The following PRKG2 variants were observed in gnomAD, a reference collection of about 807,000 sequenced individuals.
PRKG2 encodes the protein cGMP-dependent protein kinase 2.
Under a neutral mutation model 97.2 loss-of-function variants are expected in PRKG2, and 33 were observed. The observed-to-expected ratio is 0.34, with a 90% CI of 0.26 to 0.45. The LOEUF is 0.45. Ranked by LOEUF, PRKG2 falls within the 20% of genes least tolerant of loss-of-function variation. The pLI, the probability that PRKG2 is intolerant of heterozygous loss-of-function variation, is 1.00. For missense variants in PRKG2, 638 were observed against 900.0 expected, an observed-to-expected ratio of 0.71 and a Z score of 3.73; for synonymous variants, 330 against 321.8, an observed-to-expected ratio of 1.03 and a Z score of -0.27.
Position 81,089,323 on chromosome 4 carries a change from T to G in PRKG2, c.*385A>C, listed in dbSNP as rs1232259227. 1 of 155,566 alleles carries G rather than the reference T, an allele frequency of 6.4e-6. No individual in the cohort carries two copies. Among genetic ancestry groups the G allele is most frequent in the East Asian group, 1.9e-4 (1 of 5,348 alleles). The allele number at this position is 155,566 out of a possible 1,614,324, so 9.6% of individuals were successfully genotyped here. ...ACCATTGTTTTTCCTTCTATTTGTATGACTTAGTTATTCAAGGGCAAGACC... is the reference window on the plus strand; with the variant it reads ...ACCATTGTTTTTCCTTCTATTTGTAGGACTTAGTTATTCAAGGGCAAGACC... On this transcript the variant is annotated 3_prime_UTR_variant, in exon 19 of 19. Coordinates refer to ENST00000264399, the MANE Select transcript of PRKG2 (RefSeq NM_006259.3).
chr4:81,203,701 G>T (rs1276346294), intron 2 of PRKG2, among the ~76,000 whole-genome samples: 2 of 152,048 alleles, frequency 1.3e-5, no homozygotes, highest in Non-Finnish European at 2.9e-5. Flanking sequence ...CGCCCATAAA[G>T]AAATGCATAC....
intron 13 of PRKG2, among the ~76,000 whole-genome samples, chr4:81,136,581 C>T (rs1326051444): frequency 6.6e-6 from 1 of 152,128 alleles, no homozygotes; most frequent in Non-Finnish European, 1.5e-5. Flanking sequence ...CCCCAACTTC[C>T]CTGCTTTGTC....
At chr4:81,101,498 T>C (rs1742766240) in intron 17 of PRKG2, among the ~76,000 whole-genome samples, 2 of 138,568 alleles carry the variant, frequency 1.4e-5, no homozygotes, top group South Asian at 2.2e-4. Flanking sequence ...TTCTCACTCA[T>C]AGATGGGAAT....
chr4:81,184,083 T>C (rs1751664148), intron 2 of PRKG2, among the ~76,000 whole-genome samples: 1 of 152,194 alleles, frequency 6.6e-6, no homozygotes, highest in Non-Finnish European at 1.5e-5. Context: ...CAGACTTAAA[T>C]GATCCTGCCT....
At chr4:81,158,503 G>A (rs568326768) in intron 6 of PRKG2, among the ~76,000 whole-genome samples, 3 of 149,142 alleles carry the variant, frequency 2.0e-5, no homozygotes, top group Non-Finnish European at 2.9e-5. Flanking sequence ...AATCAATATC[G>A]TGAAAATGGC....
At chr4:81,176,994 A>G (rs1750984153) in intron 2 of PRKG2, among the ~76,000 whole-genome samples, 1 of 152,170 alleles carries the variant, frequency 6.6e-6, no homozygotes, top group Admixed American at 6.5e-5. Flanking sequence ...TTTATTATAG[A>G]TAAGCTGGTA....
At chr4:81,216,891 TTGTGTGTGTG>T (rs68179456), upstream of PRKG2, among the ~76,000 whole-genome samples, 80 of 131,502 alleles carry the variant, frequency 6.1e-4, no homozygotes, top group East Asian at 1.8e-3. Context: ...TAGTATTCCA[TTGTGTGTGTG>T]TGTGTGTGTG....
rs568327204 is a variant in PRKG2, at chr4:81,166,277, A to G, written c.912+884T>C. Among the ~76,000 whole-genome samples, 4 of 152,168 alleles carry G rather than the reference A, an allele frequency of 2.6e-5. No homozygotes were observed. In the East Asian group the frequency reaches 7.7e-4, roughly 29 times the overall value. On this transcript the variant is annotated intron_variant, in intron 6 of 18. Transcript: ENST00000264399. Reference sequence around the variant, plus strand: ...TATATTGTGATTGACAGAGGCATGAATCTGTCAACAATCAGCCTTGCAGGG... The same window carrying G: ...TATATTGTGATTGACAGAGGCATGAGTCTGTCAACAATCAGCCTTGCAGGG...
At chr4:81,149,161 GAGA>G (rs991126194) in intron 8 of PRKG2, among the ~76,000 whole-genome samples, 44 of 152,212 alleles carry the variant, frequency 2.9e-4, no homozygotes, top group Middle Eastern at 3.4e-3. Flanking sequence ...GAATTCAGAG[GAGA>G]AGAAGATAAT....
At chr4:81,117,594 G>A (rs931854856) in intron 14 of PRKG2, among the ~76,000 whole-genome samples, 5 of 152,000 alleles carry the variant, frequency 3.3e-5, no homozygotes, top group East Asian at 1.9e-4. Flanking sequence ...GTAGAAATAC[G>A]TTAAAATTCT....
intron 10 of PRKG2, 58 bp from the exon 11 acceptor site, chr4:81,143,005 C>T: frequency 6.7e-7 from 1 of 1,497,800 alleles, no homozygotes; most frequent in Middle Eastern, 1.8e-4. Flanking sequence ...AGGTGTCATG[C>T]CATACATAAA....
chr4:81,113,480 T>C (rs1172642958), intron 14 of PRKG2, among the ~76,000 whole-genome samples: 1 of 152,146 alleles, frequency 6.6e-6, no homozygotes, highest in African/African-American at 2.4e-5. Flanking sequence ...AACGATGGCG[T>C]ACATCATGCT....
chr4:81,119,868 G>A (rs58295714), intron 14 of PRKG2, among the ~76,000 whole-genome samples: 6,086 of 152,012 alleles, frequency 0.04, 425 homozygotes, highest in African/African-American at 0.14. Context: ...TAGAGACGGC[G>A]TTTCACTGTG....
Position 81,160,179 on chromosome 4 carries a change from T to A in PRKG2, c.913-6458A>T, listed in dbSNP as rs534252749. 6.6e-5 allele frequency among the ~76,000 whole-genome samples: 10 copies of A among 152,182 alleles called. No individual in the cohort carries two copies. The South Asian group carries it at 2.1e-3, about 32-fold the overall frequency. On this transcript the variant is annotated intron_variant, in intron 6 of 18. Transcript: ENST00000264399. ...AAGTGGAGACACATAATTGAAGACA[T>A]AAAGAAAGCAGAACTCCTTTTGTCT...
chr4:81,204,692 C>T lies in PRKG2; in HGVS notation c.356G>A (p.Arg119Lys). 6.2e-7 allele frequency: 1 copy of T among 1,614,208 alleles called. No individual in the cohort carries two copies. The highest frequency in any genetic ancestry group is 1.1e-5 in the South Asian group (1 of 91,084). ...TSGLVSLHSR[R>K]GAKAGVSAEP... Reference sequence around the variant, plus strand: ...AGCAGACACGCCAGCCTTTGCTCCCCTCCTGCTATGGAGAGAGACCAATCC... The same window carrying T: ...AGCAGACACGCCAGCCTTTGCTCCCTTCCTGCTATGGAGAGAGACCAATCC... Residue 119 changes from arginine to lysine, a missense_variant, in exon 2 of 19, where the codon AGG becomes AAG. Arg to Lys is a conservative substitution (Grantham distance 26). Transcript: ENST00000264399.
At chr4:81,163,656 G>A (rs932946613) in intron 6 of PRKG2, among the ~76,000 whole-genome samples, 1 of 152,018 alleles carries the variant, frequency 6.6e-6, no homozygotes, top group Admixed American at 6.6e-5. Context: ...AAATGCTAGA[G>A]CCTGAGTACC....
chr4:81,194,640 C>A (rs1752831853), intron 2 of PRKG2, among the ~76,000 whole-genome samples: 1 of 151,800 alleles, frequency 6.6e-6, no homozygotes, highest in Non-Finnish European at 1.5e-5. Flanking sequence ...GATTTTATTC[C>A]CATGAGCATC....
chr4:81,138,791 C>A (rs1225709702), intron 12 of PRKG2, among the ~76,000 whole-genome samples: 1 of 151,660 alleles, frequency 6.6e-6, no homozygotes, highest in Non-Finnish European at 1.5e-5. Flanking sequence ...TGCCCTGAAG[C>A]TGCTCATCAT....
intron 6 of PRKG2, among the ~76,000 whole-genome samples, chr4:81,157,019 A>T (rs1578439606): frequency 6.6e-6 from 1 of 152,168 alleles, no homozygotes; most frequent in Non-Finnish European, 1.5e-5. Flanking sequence ...AATTAAAAGA[A>T]CTAGAAAAGC....
Sources: allele counts gnomAD v4.1 joint callset (sites outside exome capture counted in the v4.1 genomes callset), GRCh38; gene constraint gnomAD v4.1.1; transcripts MANE v1.5; gene names NCBI Gene and HGNC (gene_info 2026-07-23, HGNC 2026-07-21).